The following KITLG variants were observed in gnomAD, a reference collection of about 807,000 sequenced individuals.
The protein encoded by KITLG is c-Kit ligand.
Under a neutral mutation model 34.1 loss-of-function variants are expected in KITLG, and 13 were observed. The ratio of observed to expected loss-of-function variants is 0.38; its 90% CI spans 0.25 to 0.61. The LOEUF (loss-of-function observed/expected upper bound fraction) is 0.61. Ranked by LOEUF, KITLG falls within the 20% of genes least tolerant of loss-of-function variation. KITLG has a pLI of 0.60. For missense variants in KITLG, 292 were observed against 318.9 expected (o/e 0.92, Z 0.64); for synonymous variants, 110 against 104.0 (o/e 1.06, Z -0.35).
In KITLG at chr12:88,495,448, G is replaced by C. The variant is rs1271503547; in HGVS notation, c.*1771C>G. 6.6e-6 allele frequency: 1 copy of C among 152,370 alleles called. No homozygotes were observed. The highest frequency in any genetic ancestry group is 1.5e-5 in the Non-Finnish European group (1 of 67,972). 9.4% of individuals were successfully genotyped at this position (152,370 alleles called of 1,614,324 possible). A position where few individuals can be genotyped will look rare whatever the true frequency, so the allele number is the denominator to read the frequency against. ...CAAGTGTACCATGTGATATCTGAGG[G>C]CCTGAACACCTTAATGCAGCTTCTC... On this transcript the variant is annotated 3_prime_UTR_variant, in exon 10 of 10. Transcript: ENST00000644744.
At chr12:88,513,550 C>T (rs1367930691) in intron 6 of KITLG, among the ~76,000 whole-genome samples, 2 of 151,556 alleles carry the variant, frequency 1.3e-5, no homozygotes, top group African/African-American at 4.8e-5. Context: ...AAAATACAGA[C>T]AACAGACTGA....
At position 88,529,558 on chromosome 12, in the gene KITLG, CAAAATA is replaced by C. The variant is rs968186093; in HGVS notation, c.192+2877_192+2882del. On this transcript the variant is annotated intron_variant, in intron 3 of 9. Coordinates refer to ENST00000644744, the MANE Select transcript of KITLG (RefSeq NM_000899.5). The stretch of plus-strand genomic sequence containing the variant: ...ATTTAGCTGTTTTTTAAAATGAAGG[CAAAATA>C]AAAATAAAAATAAAAGTGTATTCTA... Among the ~76,000 whole-genome samples, 3 of 152,018 alleles carry C rather than the reference CAAAATA, an allele frequency of 2.0e-5. No individual in the cohort carries two copies. In the East Asian group the frequency reaches 5.8e-4, roughly 29 times the overall value.
At chr12:88,560,724 C>G (rs1871267342) in intron 1 of KITLG, among the ~76,000 whole-genome samples, 1 of 152,116 alleles carries the variant, frequency 6.6e-6, no homozygotes, top group Non-Finnish European at 1.5e-5. Context: ...AATCCCAGCA[C>G]TTTGGGAGGC....
chr12:88,548,269 C>T (rs1248322742), intron 1 of KITLG, among the ~76,000 whole-genome samples: 1 of 152,082 alleles, frequency 6.6e-6, no homozygotes, highest in East Asian at 1.9e-4. Context: ...GCCTGGCCAA[C>T]ATGGTGAATC....
chr12:88,563,219 C>G (rs1450467157), intron 1 of KITLG, among the ~76,000 whole-genome samples: 1 of 152,098 alleles, frequency 6.6e-6, no homozygotes, highest in East Asian at 1.9e-4. Context: ...GAAGACATAC[C>G]CAGAAGTGAT....
At chr12:88,540,453 C>A (rs1433914940) in intron 2 of KITLG, among the ~76,000 whole-genome samples, 1 of 152,010 alleles carries the variant, frequency 6.6e-6, no homozygotes, top group Non-Finnish European at 1.5e-5. Context: ...GGAGACAATC[C>A]ATGCAAAGTG....
chr12:88,526,981 G>T (rs1474729864), intron 3 of KITLG, among the ~76,000 whole-genome samples: 1 of 147,410 alleles, frequency 6.8e-6, no homozygotes, highest in African/African-American at 2.5e-5. Context: ...CCATTCTCCT[G>T]TCTCAGCCTC....
At chr12:88,508,567 G>A (rs929261755) in intron 6 of KITLG, among the ~76,000 whole-genome samples, 1 of 151,900 alleles carries the variant, frequency 6.6e-6, no homozygotes, top group Non-Finnish European at 1.5e-5. Context: ...GTGTGTGTGT[G>A]TGTGTGTGTG....
rs1868534385 is a variant in KITLG, at chr12:88,494,484, T to C, written c.*2735A>G. The stretch of plus-strand genomic sequence containing the variant: ...TATGCATATTTTTTCATAATTTTCT[T>C]TTCACATACTTTTTAAGAGAATAGG... On this transcript the variant is annotated 3_prime_UTR_variant, in exon 10 of 10. Coordinates refer to ENST00000644744, the MANE Select transcript of KITLG (RefSeq NM_000899.5). 6.6e-6 allele frequency: 1 copy of C among 152,406 alleles called. No individual in the cohort carries two copies. Among genetic ancestry groups the C allele is most frequent in the Admixed American group, 6.6e-5 (1 of 15,226 alleles). The allele number at this position is 152,406 out of a possible 1,614,324, so 9.4% of individuals were successfully genotyped here.
chr12:88,499,265 G>C (rs1357744255), intron 9 of KITLG, among the ~76,000 whole-genome samples: 1 of 152,104 alleles, frequency 6.6e-6, no homozygotes, highest in East Asian at 1.9e-4. Flanking sequence ...GAAAGTCTTA[G>C]GAAACATCTA....
intron 1 of KITLG, among the ~76,000 whole-genome samples, chr12:88,557,638 T>C (rs1198764289): frequency 6.6e-6 from 1 of 152,162 alleles, no homozygotes; most frequent in Non-Finnish European, 1.5e-5. Flanking sequence ...CAGATGCCCT[T>C]TAAGTTAGCT....
intron 1 of KITLG, among the ~76,000 whole-genome samples, chr12:88,578,337 A>G (rs1180744456): frequency 6.6e-6 from 1 of 152,132 alleles, no homozygotes; most frequent in African/African-American, 2.4e-5. Context: ...CTTTGCCTAC[A>G]AGCCGTTTAA....
intron 1 of KITLG, among the ~76,000 whole-genome samples, chr12:88,557,332 A>T (rs1871127211): frequency 6.6e-6 from 1 of 152,186 alleles, no homozygotes; most frequent in Non-Finnish European, 1.5e-5. Flanking sequence ...TTTAATAAAG[A>T]TGTACATAAT....
rs886914817 is a variant in KITLG at position 88,532,501 on chromosome 12, C to T, written c.132G>A (p.Val44=). The change falls in exon 3 of 10, where the codon GTG becomes GTA. Residue 44 remains valine, a splice_region_variant and synonymous_variant. Transcript: ENST00000644744. ...TNNVKDVTKL[V]ANLPKDYMIT... Reference sequence around the variant, plus strand: ...TCATGTAGTCTTTTGGAAGATTTGCCACCTACAGAGACAAAAAAAAAAATT... The same window carrying T: ...TCATGTAGTCTTTTGGAAGATTTGCTACCTACAGAGACAAAAAAAAAAATT... The T allele has an allele frequency of 3.7e-6, 6 of 1,604,650 alleles. No individual in the cohort carries two copies. In the African/African-American group the frequency reaches 6.7e-5, roughly 18 times the overall value.
chr12:88,508,089 A>G (rs1453628118), intron 6 of KITLG, among the ~76,000 whole-genome samples: 1 of 152,068 alleles, frequency 6.6e-6, no homozygotes, highest in East Asian at 1.9e-4. Context: ...ACGGAGGCTG[A>G]GGCAGGAGAA....
intron 2 of KITLG, among the ~76,000 whole-genome samples, chr12:88,541,191 C>A (rs1008638597): frequency 6.6e-6 from 1 of 152,064 alleles, no homozygotes; most frequent in African/African-American, 2.4e-5. Context: ...CGATAATCTC[C>A]ATGAATCATG....
At chr12:88,551,691 C>G (rs7954809) in intron 1 of KITLG, among the ~76,000 whole-genome samples, 2,070 of 152,192 alleles carry the variant, frequency 0.014, 59 homozygotes, top group African/African-American at 0.048. Flanking sequence ...GTCTCCTGCA[C>G]TCTTGATGAT....
intron 9 of KITLG, among the ~76,000 whole-genome samples, chr12:88,502,094 C>A (rs1217748994): frequency 6.6e-6 from 1 of 152,022 alleles, no homozygotes; most frequent in Non-Finnish European, 1.5e-5. Flanking sequence ...GTGACCTGAG[C>A]CTTGGTGGAG....
chr12:88,577,631 TA>T (rs1350182939), intron 1 of KITLG, among the ~76,000 whole-genome samples: 3 of 74,324 alleles, frequency 4.0e-5, no homozygotes, highest in African/African-American at 8.1e-5. Flanking sequence ...CTGAATAAAA[TA>T]AAATCAAACA....
Sources: gnomAD v4.1 joint callset for allele counts (sites outside exome capture counted in the v4.1 genomes callset) on GRCh38, gnomAD v4.1.1 for gene constraint, MANE v1.5 for transcripts, NCBI Gene and HGNC (gene_info 2026-07-23, HGNC 2026-07-21) for gene names.